Variants in MC2R observed in about 807,000 individuals in gnomAD.
MC2R encodes melanocortin 2 receptor, also known as adrenocorticotropic hormone receptor.
In MC2R, 9 loss-of-function variants were observed where a neutral mutation model predicts 9.8. The ratio of observed to expected loss-of-function variants is 0.92; its 90% confidence interval spans 0.55 to 1.60. MC2R has a LOEUF of 1.60. MC2R is among the 40% of genes most tolerant of loss of function. MC2R has a pLI of 0.00. For synonymous variants in MC2R, 185 were observed against 154.7 expected, an observed-to-expected ratio of 1.20 and a Z score of -1.45; for missense variants, 370 against 389.0, an observed-to-expected ratio of 0.95 and a Z score of 0.41.
chr18:13,903,222 G>A (rs1598466840), intron 1 of MC2R, among the ~76,000 whole-genome samples: 2 of 152,280 alleles, frequency 1.3e-5, no homozygotes, highest in East Asian at 1.9e-4. Flanking sequence ...GGAGAAAAGG[G>A]AACCCTCATA....
intron 1 of MC2R, among the ~76,000 whole-genome samples, chr18:13,895,037 A>G (rs2045338311): frequency 6.6e-6 from 1 of 152,170 alleles, no homozygotes; most frequent in South Asian, 2.1e-4. Flanking sequence ...AGTGCCCTGA[A>G]AGGTTGGCAA....
At chr18:13,901,624 A>G (rs541838258) in intron 1 of MC2R, among the ~76,000 whole-genome samples, 19 of 152,276 alleles carry the variant, frequency 1.2e-4, no homozygotes, top group African/African-American at 4.6e-4. Context: ...GTAAATTGGA[A>G]CATCTAGAAG....
At chr18:13,911,095 C>T (rs1007434899) in intron 1 of MC2R, among the ~76,000 whole-genome samples, 3 of 152,204 alleles carry the variant, frequency 2.0e-5, no homozygotes, top group East Asian at 1.9e-4. Flanking sequence ...GGTGAGAGTG[C>T]GAAGCAGCAA....
chr18:13,885,120 G>C lies in MC2R; in HGVS notation c.399C>G (p.Phe133Leu). 1 of 1,614,184 alleles carries C rather than the reference G, an allele frequency of 6.2e-7. No homozygotes were observed. The highest frequency in any genetic ancestry group is 8.5e-7 in the Non-Finnish European group (1 of 1,180,048). ...VIAADRYITI[F>L]HALRYHSIVT... ...CGATGCTGTGGTACCGCAGTGCGTG[G>C]AAGATGGTGATGTAGCGGTCCGCAG... The change falls in exon 2 of 2, where the codon TTC (phenylalanine) becomes TTG (leucine). Residue 133 changes from phenylalanine to leucine, a missense_variant. By Grantham distance (22) the Phe-to-Leu change is conservative. Coordinates refer to ENST00000327606, the MANE Select transcript of MC2R (RefSeq NM_000529.2).
intron 1 of MC2R, among the ~76,000 whole-genome samples, chr18:13,898,124 C>G (rs2045357401): frequency 6.6e-6 from 1 of 152,114 alleles, no homozygotes; most frequent in Admixed American, 6.5e-5. Flanking sequence ...TGGACCAGCC[C>G]TGGGCCAGAG....
At chr18:13,912,970 T>G (rs546543272) in intron 1 of MC2R, among the ~76,000 whole-genome samples, 1 of 152,314 alleles carries the variant, frequency 6.6e-6, no homozygotes, top group African/African-American at 2.4e-5. Context: ...CATCTCTCGG[T>G]GTGATCATCT....
intron 1 of MC2R, among the ~76,000 whole-genome samples, chr18:13,912,053 C>T (rs2045447730): frequency 6.6e-6 from 1 of 152,156 alleles, no homozygotes; most frequent in South Asian, 2.1e-4. Context: ...GTAATTCATT[C>T]TGTACTGTGT....
In MC2R at chr18:13,898,232, C is replaced by T. The variant is rs969670610; in HGVS notation, c.-128-12586G>A. Among the ~76,000 whole-genome samples the T allele has an allele frequency of 2.6e-5, 4 of 152,288 alleles. 1 individual carries two copies. The highest frequency in any genetic ancestry group is 6.8e-3 in the Middle Eastern group (2 of 294). On this transcript the variant is annotated intron_variant, in intron 1 of 1. Transcript: ENST00000327606. ...CAAACAAGGAAACATCGGTGGTAGG[C>T]TGGCAGTGTTCCCTGTGGCCTTTGG...
At chr18:13,896,330 A>T (rs2045346086) in intron 1 of MC2R, among the ~76,000 whole-genome samples, 1 of 152,210 alleles carries the variant, frequency 6.6e-6, no homozygotes, top group African/African-American at 2.4e-5. Context: ...TCCCTCCCTG[A>T]CCCTGGCACA....
chr18:13,910,600 T>A (rs960918787), intron 1 of MC2R, among the ~76,000 whole-genome samples: 1 of 152,218 alleles, frequency 6.6e-6, no homozygotes, highest in African/African-American at 2.4e-5. Context: ...TACTACAAAG[T>A]GCCTGAGGGG....
At chr18:13,890,625 T>C (rs1406931822) in intron 1 of MC2R, among the ~76,000 whole-genome samples, 2 of 152,148 alleles carry the variant, frequency 1.3e-5, no homozygotes, top group Admixed American at 1.3e-4. Context: ...CCTTTTTTCT[T>C]TGTTTTCACT....
intron 1 of MC2R, among the ~76,000 whole-genome samples, chr18:13,895,384 T>G (rs1237856321): frequency 6.6e-6 from 1 of 152,180 alleles, no homozygotes; most frequent in Non-Finnish European, 1.5e-5. Flanking sequence ...TTCACTCTCC[T>G]CCTAGACAGG....
Position 13,884,268 on chromosome 18 carries a change from A to G in MC2R, c.*357T>C, listed in dbSNP as rs1290377647. 7 of 345,670 alleles carry G rather than the reference A, an allele frequency of 2.0e-5. No homozygotes were observed. The highest frequency in any genetic ancestry group is 3.3e-5 in the Non-Finnish European group (6 of 179,202). The allele number at this position is 345,670 out of a possible 1,614,324, so 21.4% of individuals were successfully genotyped here. On this transcript the variant is annotated 3_prime_UTR_variant, in exon 2 of 2. Coordinates refer to ENST00000327606, the MANE Select transcript of MC2R (RefSeq NM_000529.2). ...GGAAAGCAAGTCTTTGCCTTAGCCC[A>G]AAGCCCTTGAATTTTTATTGCTGTT...
chr18:13,904,763 C>A (rs1309984446), intron 1 of MC2R, among the ~76,000 whole-genome samples: 1 of 152,160 alleles, frequency 6.6e-6, no homozygotes, highest in Non-Finnish European at 1.5e-5. Context: ...ACCATCTGAT[C>A]TTTGACAAAC....
In MC2R at chr18:13,885,318, GGCCAA is replaced by G; in HGVS notation, c.196_200del (p.Leu66HisfsTer3). 6.2e-7 allele frequency: 1 copy of G among 1,614,100 alleles called. No individual in the cohort carries two copies. The highest frequency in any genetic ancestry group is 8.5e-7 in the Non-Finnish European group (1 of 1,180,026). Reference sequence around the variant, plus strand: ...ATAGGCTGCCCAGCATATCAGATATGGCCAAGCTACAGATGAAAAAGTACATGGGT... The same window carrying G: ...ATAGGCTGCCCAGCATATCAGATATGGCTACAGATGAAAAAGTACATGGGT... On this transcript the variant is annotated frameshift_variant, in exon 2 of 2. Coordinates refer to ENST00000327606, the MANE Select transcript of MC2R (RefSeq NM_000529.2). LOFTEE classifies it high-confidence loss of function.
At chr18:13,914,532 C>A (rs1411085251) in intron 1 of MC2R, among the ~76,000 whole-genome samples, 2 of 152,342 alleles carry the variant, frequency 1.3e-5, no homozygotes, top group Non-Finnish European at 1.5e-5. Context: ...TCCTTCTGAT[C>A]TGCTCAAGGC....
At chr18:13,891,042 C>T (rs900394808) in intron 1 of MC2R, among the ~76,000 whole-genome samples, 2 of 152,182 alleles carry the variant, frequency 1.3e-5, no homozygotes, top group Non-Finnish European at 2.9e-5. Flanking sequence ...GGGGAGGCTT[C>T]AAGCCAAAGC....
chr18:13,892,907 G>T (rs1278787392), intron 1 of MC2R, among the ~76,000 whole-genome samples: 1 of 151,984 alleles, frequency 6.6e-6, no homozygotes, highest in South Asian at 2.1e-4. Context: ...GCTCACTGCA[G>T]CCTCAACCTC....
intron 1 of MC2R, among the ~76,000 whole-genome samples, chr18:13,896,642 C>T (rs753026341): frequency 6.6e-6 from 1 of 152,150 alleles, no homozygotes; most frequent in African/African-American, 2.4e-5. Context: ...TCTAATATTA[C>T]TTTAGACCTT....
Sources: gnomAD v4.1 joint callset for allele counts (sites outside exome capture counted in the v4.1 genomes callset) on GRCh38, gnomAD v4.1.1 for gene constraint, MANE v1.5 for transcripts, NCBI Gene and HGNC (gene_info 2026-07-23, HGNC 2026-07-21) for gene names.